ARHGEF3: variants seen among roughly 807,000 people sequenced by gnomAD.
ARHGEF3 encodes the protein Rho guanine nucleotide exchange factor 3, also known as 59.8 kDA protein.
A neutral mutation model predicts 63.2 loss-of-function variants in ARHGEF3; 28 were observed. That is an observed-to-expected ratio of 0.44 (90% CI 0.33 to 0.61). The LOEUF (loss-of-function observed/expected upper bound fraction) is 0.61, where lower values mean the gene tolerates loss of function less well. Among genes scored for constraint, ARHGEF3 ranks in the 20% least tolerant of loss-of-function variants. The pLI is 0.03. For synonymous variants in ARHGEF3, 266 were observed against 254.2 expected, an observed-to-expected ratio of 1.05 and a Z score of -0.44; for missense variants, 533 against 659.3, an observed-to-expected ratio of 0.81 and a Z score of 2.10.
chr3:56,930,517 T>C (rs2042383156), intron 3 of ARHGEF3, among the ~76,000 whole-genome samples: 1 of 152,148 alleles, frequency 6.6e-6, no homozygotes, highest in African/African-American at 2.4e-5. Context: ...GATTTTGGGA[T>C]AGATTTTTGA....
chr3:56,895,427 G>A (rs1272135941), intron 3 of ARHGEF3, among the ~76,000 whole-genome samples: 2 of 151,836 alleles, frequency 1.3e-5, no homozygotes, highest in Non-Finnish European at 2.9e-5. Context: ...GAAAGAGGCT[G>A]TGTTGGCATA....
At chr3:56,911,565 C>T (rs2041853463) in intron 3 of ARHGEF3, among the ~76,000 whole-genome samples, 1 of 152,218 alleles carries the variant, frequency 6.6e-6, no homozygotes. Context: ...CCGAGTCACA[C>T]GTCTGAGTGT....
intron 2 of ARHGEF3, among the ~76,000 whole-genome samples, chr3:57,027,317 C>G (rs1215942764): frequency 1.3e-5 from 2 of 152,202 alleles, no homozygotes; most frequent in Admixed American, 1.3e-4. Context: ...CTGGCGCCAC[C>G]CTATGAGAAG....
chr3:56,749,386 C>T (rs1025299874), intron 6 of ARHGEF3, among the ~76,000 whole-genome samples: 1 of 152,218 alleles, frequency 6.6e-6, no homozygotes, highest in Non-Finnish European at 1.5e-5. Flanking sequence ...TACAATTTTG[C>T]TTCTGGCATA....
chr3:56,887,508 G>A (rs1251339914), intron 3 of ARHGEF3, among the ~76,000 whole-genome samples: 1 of 152,164 alleles, frequency 6.6e-6, no homozygotes, highest in Non-Finnish European at 1.5e-5. Flanking sequence ...CTGGCACATA[G>A]TAAGTGCACA....
At chr3:57,065,212 AG>A (rs1409698360) in intron 1 of ARHGEF3, among the ~76,000 whole-genome samples, 1 of 152,222 alleles carries the variant, frequency 6.6e-6, no homozygotes, top group African/African-American at 2.4e-5. Context: ...CTGTAATCCC[AG>A]CACTTCGGGA....
At chr3:56,992,982 T>C (rs1408213371) in intron 2 of ARHGEF3, among the ~76,000 whole-genome samples, 1 of 152,100 alleles carries the variant, frequency 6.6e-6, no homozygotes, top group East Asian at 1.9e-4. Flanking sequence ...TACAGCTGCA[T>C]GCCGCCATGC....
intron 7 of ARHGEF3, among the ~76,000 whole-genome samples, chr3:56,738,968 A>G (rs2107709131): frequency 6.6e-6 from 1 of 152,098 alleles, no homozygotes; most frequent in South Asian, 2.1e-4. Context: ...GGTGGTGCCC[A>G]CCTATCATTC....
At chr3:56,975,629 A>G in intron 2 of ARHGEF3, 1 of 240,124 alleles carries the variant, frequency 4.2e-6, no homozygotes, top group South Asian at 4.6e-5. Flanking sequence ...AAAATCACAC[A>G]GCTAGTAGGC....
At chr3:56,906,011 C>A (rs1207904518) in intron 3 of ARHGEF3, among the ~76,000 whole-genome samples, 1 of 152,036 alleles carries the variant, frequency 6.6e-6, no homozygotes, top group Non-Finnish European at 1.5e-5. Flanking sequence ...ATTACAGGCG[C>A]CTGCCACCAC....
chr3:56,856,589 G>C (rs1310568604), intron 4 of ARHGEF3, among the ~76,000 whole-genome samples: 2 of 141,796 alleles, frequency 1.4e-5, no homozygotes. Context: ...CCTGACCTCT[G>C]TCTCTGGGGC....
In ARHGEF3 at chr3:56,903,095, G is replaced by C. The variant is rs912228279; in HGVS notation, c.130-20741C>G. Among the ~76,000 whole-genome samples, 57 of 139,210 alleles carry C rather than the reference G, an allele frequency of 4.1e-4. No individual in the cohort carries two copies. In the Middle Eastern group the frequency reaches 0.011, roughly 28 times the overall value. The allele number at this position is 139,210 out of a possible 152,430, so 91.3% of individuals were successfully genotyped here. A position where few individuals can be genotyped will look rare whatever the true frequency, so the allele number is the denominator to read the frequency against. On this transcript the variant is annotated intron_variant, in intron 3 of 12. Coordinates refer to the ARHGEF3 transcript ENST00000338458. ...ACACACACACACACACACACAGAGAGAGAGAGAGAGAACGAACCCCAAGTT... is the reference window on the plus strand; with the variant it reads ...ACACACACACACACACACACAGAGACAGAGAGAGAGAACGAACCCCAAGTT...
chr3:56,810,203 G>A lies in ARHGEF3; in HGVS notation c.193-36387C>T, dbSNP rs146122872. On this transcript the variant is annotated intron_variant, in intron 4 of 12. Coordinates refer to the ARHGEF3 transcript ENST00000338458. The stretch of plus-strand genomic sequence containing the variant: ...CTACAAACTCAGTAATCAAAGTACC[G>A]TATTTTGTCGAACCTAAGACTGTAA... 1.4e-4 allele frequency among the ~76,000 whole-genome samples: 22 copies of A among 152,238 alleles called. 1 individual carries two copies. The highest frequency in any genetic ancestry group is 6.5e-4 in the Admixed American group (10 of 15,288).
chr3:56,914,999 A>G (rs2041947504), intron 3 of ARHGEF3, among the ~76,000 whole-genome samples: 2 of 152,106 alleles, frequency 1.3e-5, no homozygotes, highest in Non-Finnish European at 2.9e-5. Context: ...ATGGTAAATT[A>G]TGTGTTATAT....
intron 7 of ARHGEF3, among the ~76,000 whole-genome samples, chr3:56,742,469 TGGAAC>T: frequency 6.6e-6 from 1 of 152,358 alleles, no homozygotes; most frequent in Admixed American, 6.5e-5. Context: ...TCAACTCTCT[TGGAAC>T]GGAAGCAATT....
At chr3:56,941,272 A>G (rs1699168975) in intron 3 of ARHGEF3, among the ~76,000 whole-genome samples, 1 of 152,172 alleles carries the variant, frequency 6.6e-6, no homozygotes, top group Non-Finnish European at 1.5e-5. Context: ...CACTGGCATG[A>G]TCTTGGCTCA....
At chr3:56,739,717 T>A (rs2033885093) in intron 7 of ARHGEF3, among the ~76,000 whole-genome samples, 1 of 152,110 alleles carries the variant, frequency 6.6e-6, no homozygotes, top group Non-Finnish European at 1.5e-5. Context: ...TATTTTTTCA[T>A]ATGCCACTAA....
At chr3:57,044,612 G>GT (rs1704366815) in intron 1 of ARHGEF3, among the ~76,000 whole-genome samples, 3 of 152,194 alleles carry the variant, frequency 2.0e-5, no homozygotes, top group Admixed American at 2.0e-4. Context: ...GATAGACTGA[G>GT]TACCAGTTCC....
In ARHGEF3 at chr3:56,992,375, TAAAAAAAAAAAAAAAAAAAA is replaced by T. The variant is rs57740672; in HGVS notation, c.63-33506_63-33487del. 3.7e-3 allele frequency among the ~76,000 whole-genome samples: 169 copies of T among 46,152 alleles called. 2 individuals are homozygous for T. Among genetic ancestry groups the T allele is most frequent in the Admixed American group, 9.1e-3 (31 of 3,410 alleles). The allele number at this position is 46,152 out of a possible 152,430, so 30.3% of individuals were successfully genotyped here. A position where few individuals can be genotyped will look rare whatever the true frequency, so the allele number is the denominator to read the frequency against. ...GGTCCTATGGTAGGGAGGATGGCTTTAAAAAAAAAAAAAAAAAAAAAAAAAAAAAAAAAAAAAAACAGAAA... is the reference window on the plus strand; with the variant it reads ...GGTCCTATGGTAGGGAGGATGGCTTTAAAAAAAAAAAAAAAAAAACAGAAA... On this transcript the variant is annotated intron_variant, in intron 2 of 12. Coordinates refer to the ARHGEF3 transcript ENST00000338458.
Sources: allele counts gnomAD v4.1 joint callset (sites outside exome capture counted in the v4.1 genomes callset), GRCh38; gene constraint gnomAD v4.1.1; transcripts MANE v1.5; gene names NCBI Gene and HGNC (gene_info 2026-07-23, HGNC 2026-07-21).